The following USP38 variants were observed in gnomAD, a reference collection of about 807,000 sequenced individuals.
USP38 encodes ubiquitin specific peptidase 38, also known as ubiquitin carboxyl-terminal hydrolase 38.
USP38 carries 49 observed loss-of-function variants against 94.3 expected under a neutral mutation model. The ratio of observed to expected loss-of-function variants is 0.52; its 90% confidence interval spans 0.41 to 0.66. USP38 has a LOEUF of 0.66. USP38 is among the 30% of genes least tolerant of loss of function. The pLI, the probability that USP38 is intolerant of heterozygous loss-of-function variation, is 0.00. For missense variants in USP38, 1,128 were observed against 1,229.4 expected (o/e 0.92, Z 1.23); for synonymous variants, 468 against 463.6 (o/e 1.01, Z -0.12).
intron 4 of USP38, among the ~76,000 whole-genome samples, chr4:143,200,662 A>T (rs1731687585): frequency 6.6e-6 from 1 of 152,208 alleles, no homozygotes; most frequent in African/African-American, 2.4e-5. Flanking sequence ...TTCAGCTGAT[A>T]AACAACTTCA....
At chr4:143,187,794 A>C in intron 1 of USP38, 32 bp from the exon 2 acceptor site, 1 of 1,581,952 alleles carries the variant, frequency 6.3e-7, no homozygotes. Context: ...CCTACTTGCC[A>C]TGTTCCCTTT....
At chr4:143,192,071 A>T (rs541368312) in intron 2 of USP38, among the ~76,000 whole-genome samples, 1 of 152,350 alleles carries the variant, frequency 6.6e-6, no homozygotes, top group African/African-American at 2.4e-5. Context: ...CTATTATTTG[A>T]TAACTGTGTA....
chr4:143,208,518 T>A (rs182280346), intron 6 of USP38, among the ~76,000 whole-genome samples: 2,369 of 152,180 alleles, frequency 0.016, 25 homozygotes, highest in Non-Finnish European at 0.021. Context: ...CTTTTTAATT[T>A]TTTGCCAATA....
intron 9 of USP38, among the ~76,000 whole-genome samples, chr4:143,216,389 G>A (rs1009305016): frequency 1.2e-4 from 18 of 151,866 alleles, no homozygotes; most frequent in Non-Finnish European, 2.5e-4. Context: ...TTTATATTAA[G>A]GTATTTACCT....
intron 9 of USP38, among the ~76,000 whole-genome samples, chr4:143,215,815 T>G (rs1732170108): frequency 6.6e-6 from 1 of 152,134 alleles, no homozygotes; most frequent in African/African-American, 2.4e-5. Flanking sequence ...GCTTTCAAAT[T>G]TACTGCGTTA....
intron 5 of USP38, chr4:143,204,436 C>A: frequency 2.2e-6 from 1 of 449,586 alleles, no homozygotes; most frequent in Admixed American, 2.4e-5. Context: ...GTTGCCCAGG[C>A]TGAAGTGCAA....
chr4:143,215,901 A>G (rs1177203057), intron 9 of USP38, among the ~76,000 whole-genome samples: 1 of 152,192 alleles, frequency 6.6e-6, no homozygotes, highest in Non-Finnish European at 1.5e-5. Context: ...AAAAAAATAG[A>G]AAATCAGAAT....
chr4:143,220,242 A>C (rs1194526998), intron 9 of USP38, 53 bp from the exon 10 acceptor site: 12 of 1,521,588 alleles, frequency 7.9e-6, no homozygotes, highest in Non-Finnish European at 1.1e-5. Context: ...AGGTGATATA[A>C]CGATCCATTG....
At position 143,223,408 on chromosome 4, in the gene USP38, G is replaced by A. The variant is rs1421777204; in HGVS notation, c.*2952G>A. The A allele has an allele frequency of 2.0e-5, 3 of 152,088 alleles. No homozygotes were observed. The highest frequency in any genetic ancestry group is 4.8e-5 in the African/African-American group (2 of 41,420). The allele number at this position is 152,088 out of a possible 1,614,324, so 9.4% of individuals were successfully genotyped here. On this transcript the variant is annotated 3_prime_UTR_variant, in exon 10 of 10. Coordinates refer to ENST00000307017, the MANE Select transcript of USP38 (RefSeq NM_032557.6). ...GGGGTCCATGCGAAAGGTTCAAACAGCCTATTACATTAATGCACATGTGGA... is the reference window on the plus strand; with the variant it reads ...GGGGTCCATGCGAAAGGTTCAAACAACCTATTACATTAATGCACATGTGGA...
At position 143,221,728 on chromosome 4, in the gene USP38, A is replaced by G. The variant is rs539308742; in HGVS notation, c.*1272A>G. On this transcript the variant is annotated 3_prime_UTR_variant, in exon 10 of 10. Coordinates refer to ENST00000307017, the MANE Select transcript of USP38 (RefSeq NM_032557.6). ...GGTTTTAACTTATCCACAGTTGTGC[A>G]TTGTTCTGAAGATTGGTCTCATATT... The G allele has an allele frequency of 1.3e-5, 2 of 152,068 alleles. No homozygotes were observed. The highest frequency in any genetic ancestry group is 2.9e-5 in the Non-Finnish European group (2 of 67,976). 9.4% of individuals were successfully genotyped at this position (152,068 alleles called of 1,614,324 possible).
intron 2 of USP38, among the ~76,000 whole-genome samples, chr4:143,194,044 ATGC>A (rs751646474): frequency 6.6e-6 from 1 of 152,200 alleles, no homozygotes; most frequent in Non-Finnish European, 1.5e-5. Context: ...ACCTGAAGTA[ATGC>A]TGCTGCACTC....
At chr4:143,206,942 C>A (rs1731885596) in intron 6 of USP38, among the ~76,000 whole-genome samples, 1 of 152,090 alleles carries the variant, frequency 6.6e-6, no homozygotes, top group Admixed American at 6.5e-5. Context: ...TCTGCTCCAC[C>A]CCAGGGCAAT....
At chr4:143,203,709 G>A (rs1731782604) in intron 5 of USP38, 143 bp downstream of exon 5, 3 of 766,260 alleles carry the variant, frequency 3.9e-6, no homozygotes, top group Non-Finnish European at 5.8e-6. Context: ...GTTTCATTTA[G>A]GGAGTAACAG....
chr4:143,188,582 A>G (rs1731300603), intron 2 of USP38, among the ~76,000 whole-genome samples: 1 of 151,990 alleles, frequency 6.6e-6, no homozygotes, highest in Non-Finnish European at 1.5e-5. Context: ...TGTTCTCTTT[A>G]TCCTTGATGT....
intron 2 of USP38, among the ~76,000 whole-genome samples, chr4:143,188,982 A>T (rs150177934): frequency 5.3e-5 from 8 of 152,078 alleles, no homozygotes; most frequent in African/African-American, 1.9e-4. Flanking sequence ...TTGATTAAAT[A>T]TGATAAGTAA....
intron 5 of USP38, 119 bp from the exon 6 acceptor site, chr4:143,205,914 T>TG: frequency 1.4e-6 from 1 of 713,982 alleles, no homozygotes; most frequent in Admixed American, 3.9e-5. Context: ...CAAAACTAAG[T>TG]GGGGGAAAAG....
chr4:143,205,644 C>G (rs917840241), intron 5 of USP38, among the ~76,000 whole-genome samples: 1 of 152,034 alleles, frequency 6.6e-6, no homozygotes, highest in African/African-American at 2.4e-5. Flanking sequence ...AAATTGTTTA[C>G]TTATGTTTAA....
chr4:143,203,530 T>G lies in USP38; in HGVS notation c.1173T>G (p.Phe391Leu). The G allele has an allele frequency of 1.2e-6, 2 of 1,612,948 alleles. No individual in the cohort carries two copies. Among genetic ancestry groups the G allele is most frequent in the Non-Finnish European group, 1.7e-6 (2 of 1,179,550 alleles). The part of the protein sequence containing the change: ...IHCMMYHYSG[F>L]PDLYEPILEA... ...GTATGATGTATCATTATTCTGGATT[T>G]CCAGATCTCTATGAACCTATTCTGG... is the stretch of plus-strand genomic sequence containing the variant. Residue 391 changes from phenylalanine to leucine, a missense_variant, in exon 5 of 10, where the codon TTT (phenylalanine) becomes TTG (leucine). Coordinates refer to ENST00000307017, the MANE Select transcript of USP38 (RefSeq NM_032557.6).
At chr4:143,198,377 A>G (rs777425044) in intron 4 of USP38, among the ~76,000 whole-genome samples, 21 of 152,232 alleles carry the variant, frequency 1.4e-4, no homozygotes, top group Non-Finnish European at 2.5e-4. Context: ...CAGCTGAATC[A>G]TTGGCGTTTA....
Sources: allele counts gnomAD v4.1 joint callset (sites outside exome capture counted in the v4.1 genomes callset), GRCh38; gene constraint gnomAD v4.1.1; transcripts MANE v1.5; gene names NCBI Gene and HGNC (gene_info 2026-07-23, HGNC 2026-07-21).